Variants in DOCK5 observed in about 807,000 individuals in gnomAD.
The protein encoded by DOCK5 is dedicator of cytokinesis protein 5.
DOCK5 carries 142 observed loss-of-function variants against 251.8 expected under a neutral mutation model. The observed-to-expected ratio is 0.56, with a 90% CI of 0.49 to 0.65. The LOEUF is 0.65. DOCK5 is among the 30% of genes least tolerant of loss of function. The probability of loss-of-function intolerance (pLI) is 0.00; values close to 1 mark genes in which losing one functional copy is unlikely to be tolerated. For missense variants in DOCK5, 2,111 were observed against 2,312.3 expected, an observed-to-expected ratio of 0.91 and a Z score of 1.79; for synonymous variants, 842 against 835.5, an observed-to-expected ratio of 1.01 and a Z score of -0.13.
At chr8:25,214,030 A>G (rs1458302272) in intron 1 of DOCK5, among the ~76,000 whole-genome samples, 2 of 152,218 alleles carry the variant, frequency 1.3e-5, no homozygotes, top group Non-Finnish European at 2.9e-5. Context: ...TATACACCTT[A>G]TGCACGTAGC....
chr8:25,344,624 T>A (rs1293090967), intron 25 of DOCK5, among the ~76,000 whole-genome samples: 1 of 152,240 alleles, frequency 6.6e-6, no homozygotes, highest in Non-Finnish European at 1.5e-5. Flanking sequence ...TTTCTGACCC[T>A]ATGAATTTGC....
chr8:25,403,575 G>C lies in DOCK5; in HGVS notation c.4944G>C (p.Glu1648Asp). The C allele has an allele frequency of 1.2e-6, 2 of 1,613,870 alleles. No homozygotes were observed. Among genetic ancestry groups the C allele is most frequent in the Non-Finnish European group, 1.7e-6 (2 of 1,179,834 alleles). ...GTTTTCAGCCACCCAACTTGACGGA[G>C]AGGAAGCAAAGCCGCACGGGGTCTA... is the stretch of plus-strand genomic sequence containing the variant. ...GVITLPPNLT[E>D]RKQSRTGSIV... is the part of the protein sequence containing the mutation. The change falls in exon 48 of 52, where the codon GAG becomes GAC. Residue 1648 changes from glutamate (E) to aspartate (D), a missense_variant. Glu to Asp is a conservative substitution (Grantham distance 45). Around this residue, in one of 3 missense-constraint regions of DOCK5, gnomAD observed 1,717 missense variants for 1,892.4 expected, o/e 0.91. Coordinates refer to ENST00000276440, the MANE Select transcript of DOCK5 (RefSeq NM_024940.8).
At chr8:25,225,385 CCATA>C (rs1229257727) in intron 1 of DOCK5, among the ~76,000 whole-genome samples, 1 of 152,104 alleles carries the variant, frequency 6.6e-6, no homozygotes, top group Non-Finnish European at 1.5e-5. Context: ...TGTGGTCTGA[CCATA>C]CAAAGGAATA....
intron 44 of DOCK5, among the ~76,000 whole-genome samples, chr8:25,393,702 A>G (rs1006803932): frequency 2.0e-5 from 3 of 152,290 alleles, no homozygotes; most frequent in Non-Finnish European, 2.9e-5. Context: ...CATCTCTGGA[A>G]CACCCAAGTT....
In DOCK5 at chr8:25,256,890, C is replaced by CTT. The variant is rs35214715; in HGVS notation, c.128-11944_128-11943dup. ...TATCACTCAAATTGTTTCTTCTTGACTTTTTTTTTTTTGGTCCTCTTTCTT... is the reference window on the plus strand; with the variant it reads ...TATCACTCAAATTGTTTCTTCTTGACTTTTTTTTTTTTTTGGTCCTCTTTCTT... On this transcript the variant is annotated intron_variant, in intron 2 of 51. Transcript: ENST00000276440. Among the ~76,000 whole-genome samples the CTT allele has an allele frequency of 2.3e-4, 33 of 142,972 alleles. 1 individual carries two copies. Among genetic ancestry groups the CTT allele is most frequent in the African/African-American group, 6.4e-4 (25 of 39,248 alleles). The allele number at this position is 142,972 out of a possible 152,430, so 93.8% of individuals were successfully genotyped here. A position where few individuals can be genotyped will look rare whatever the true frequency, so the allele number is the denominator to read the frequency against.
chr8:25,387,042 A>G (rs1163680661), intron 40 of DOCK5, among the ~76,000 whole-genome samples: 1 of 152,288 alleles, frequency 6.6e-6, no homozygotes, highest in African/African-American at 2.4e-5. Context: ...ATATAACCTC[A>G]CTGCCACTCT....
chr8:25,353,810 G>A (rs1800513764), intron 27 of DOCK5, among the ~76,000 whole-genome samples: 1 of 151,916 alleles, frequency 6.6e-6, no homozygotes, highest in Non-Finnish European at 1.5e-5. Flanking sequence ...GATCACCTGA[G>A]GTCAGGAGTT....
chr8:25,412,066 T>C lies in DOCK5; in HGVS notation c.*768T>C, dbSNP rs1379717022. Reference sequence around the variant, plus strand: ...ACGGACTTCTTTGAAGCTCTTCCTTTTGCACATACGGCTTTTTTTTTTTTT... The same window carrying C: ...ACGGACTTCTTTGAAGCTCTTCCTTCTGCACATACGGCTTTTTTTTTTTTT... On this transcript the variant is annotated 3_prime_UTR_variant, in exon 52 of 52. Transcript: ENST00000276440. 2 of 148,396 alleles carry C rather than the reference T, an allele frequency of 1.3e-5. No individual in the cohort carries two copies. Among genetic ancestry groups the C allele is most frequent in the Non-Finnish European group, 3.0e-5 (2 of 67,562 alleles). 9.2% of individuals were successfully genotyped at this position (148,396 alleles called of 1,614,324 possible). A position where few individuals can be genotyped will look rare whatever the true frequency, so the allele number is the denominator to read the frequency against.
rs1016261679 is a variant in DOCK5 at position 25,400,091 on chromosome 8, T to G, written c.4788+97T>G. ...AGTCTACAAGCCCACTCAGGGTGAC[T>G]TTTCTTTCTTTTTTTAACCCTTGTG... On this transcript the variant is annotated intron_variant, in intron 46 of 51. Coordinates refer to ENST00000276440, the MANE Select transcript of DOCK5 (RefSeq NM_024940.8). 4.2e-6 allele frequency: 4 copies of G among 950,054 alleles called. No individual in the cohort carries two copies. The East Asian group carries it at 1.1e-4, about 25-fold the overall frequency. The allele number at this position is 950,054 out of a possible 1,614,324, so 58.9% of individuals were successfully genotyped here.
intron 1 of DOCK5, among the ~76,000 whole-genome samples, chr8:25,220,128 T>G (rs1802345761): frequency 6.6e-6 from 1 of 152,144 alleles, no homozygotes; most frequent in African/African-American, 2.4e-5. Context: ...CTCTAATACT[T>G]GCACTGCCTC....
intron 5 of DOCK5, among the ~76,000 whole-genome samples, chr8:25,287,231 A>G (rs1164452716): frequency 6.6e-6 from 1 of 152,236 alleles, no homozygotes; most frequent in Non-Finnish European, 1.5e-5. Flanking sequence ...GTTCGAGGCC[A>G]GCCTGGCCAG....
intron 1 of DOCK5, among the ~76,000 whole-genome samples, chr8:25,213,669 C>G (rs547449162): frequency 2.5e-4 from 38 of 152,300 alleles, no homozygotes; most frequent in Non-Finnish European, 5.1e-4. Context: ...TCCTCACCCC[C>G]CAAAGAAAAG....
chr8:25,354,541 G>A (rs892967677), intron 27 of DOCK5, among the ~76,000 whole-genome samples: 4 of 152,124 alleles, frequency 2.6e-5, no homozygotes, highest in East Asian at 3.9e-4. Flanking sequence ...CCGTGCTTCC[G>A]CTAACATGAA....
Position 25,411,170 on chromosome 8 carries a change from A to G in DOCK5, c.5509-24A>G, listed in dbSNP as rs761382965. On this transcript the variant is annotated intron_variant, in intron 51 of 51. Coordinates refer to ENST00000276440, the MANE Select transcript of DOCK5 (RefSeq NM_024940.8). ...GGGAAGAAAGCTAAGACCTGCTTCT[A>G]ATTTTGTGTTTCTGCTTCTGCAGCT... The G allele has an allele frequency of 2.6e-6, 4 of 1,527,100 alleles. No homozygotes were observed. The African/African-American group carries it at 4.3e-5, about 16-fold the overall frequency. The allele number at this position is 1,527,100 out of a possible 1,614,324, so 94.6% of individuals were successfully genotyped here.
In DOCK5 at chr8:25,374,611, C is replaced by T. The variant is rs1800932402; in HGVS notation, c.3773C>T (p.Thr1258Ile). ...TTGCACCGAGACTGTGAGAACTACA[C>T]AGAAGCTGCCTACACGCTTCTCTTG... is the stretch of plus-strand genomic sequence containing the variant. ...RDLHRDCENY[T>I]EAAYTLLLHA... Residue 1258 changes from threonine (T) to isoleucine (I), a missense_variant, in exon 37 of 52, where the codon ACA (threonine) becomes ATA (isoleucine). Coordinates refer to ENST00000276440, the MANE Select transcript of DOCK5 (RefSeq NM_024940.8). 1.2e-6 allele frequency: 2 copies of T among 1,613,706 alleles called. No homozygotes were observed. The highest frequency in any genetic ancestry group is 1.1e-5 in the South Asian group (1 of 91,054).
intron 1 of DOCK5, among the ~76,000 whole-genome samples, chr8:25,221,349 G>A (rs185817617): frequency 1.3e-5 from 2 of 151,944 alleles, no homozygotes; most frequent in East Asian, 3.9e-4. Context: ...TCGCTCTGTC[G>A]CCAGGCTGGA....
intron 2 of DOCK5, among the ~76,000 whole-genome samples, chr8:25,262,529 G>A (rs1161168812): frequency 4.6e-5 from 7 of 151,914 alleles, no homozygotes; most frequent in Admixed American, 1.3e-4. Flanking sequence ...TTTATCAGCG[G>A]TATATTTTTT....
intron 6 of DOCK5, among the ~76,000 whole-genome samples, chr8:25,295,873 G>A (rs943932261): frequency 6.6e-6 from 1 of 152,154 alleles, no homozygotes; most frequent in Non-Finnish European, 1.5e-5. Context: ...AGGCTAGAGT[G>A]CAGTGGTGCA....
chr8:25,257,273 C>T (rs1586271064), intron 2 of DOCK5, among the ~76,000 whole-genome samples: 3 of 152,106 alleles, frequency 2.0e-5, no homozygotes, highest in Non-Finnish European at 2.9e-5. Context: ...CATCGAGCTA[C>T]GGCCTTTCAT....
Sources: allele counts gnomAD v4.1 joint callset (sites outside exome capture counted in the v4.1 genomes callset), GRCh38; gene constraint gnomAD v4.1.1; regional missense constraint gnomAD v4.1.1; transcripts MANE v1.5; gene names NCBI Gene and HGNC (gene_info 2026-07-23, HGNC 2026-07-21).